Variants in KIFC3 observed in about 807,000 individuals in gnomAD.
The protein encoded by KIFC3 is kinesin-like protein KIFC3.
A neutral mutation model predicts 101.8 loss-of-function variants in KIFC3; 60 were observed. The ratio of observed to expected loss-of-function variants is 0.59; its 90% confidence interval spans 0.48 to 0.73. The LOEUF (loss-of-function observed/expected upper bound fraction) is 0.73. Among genes scored for constraint, KIFC3 ranks in the 30% least tolerant of loss-of-function variants. The probability of loss-of-function intolerance (pLI) is 0.00; values close to 1 mark genes in which losing one functional copy is unlikely to be tolerated. For synonymous variants in KIFC3, 476 were observed against 482.7 expected (o/e 0.99, Z 0.18); for missense variants, 966 against 1,137.1 (o/e 0.85, Z 2.16).
chr16:57,819,934 T>C (rs996402051), intron 1 of KIFC3, among the ~76,000 whole-genome samples: 2 of 152,140 alleles, frequency 1.3e-5, no homozygotes, highest in African/African-American at 2.4e-5. Flanking sequence ...AATGGCACGA[T>C]CTCGGCTCAC....
intron 1 of KIFC3, among the ~76,000 whole-genome samples, chr16:57,848,978 C>T (rs2055993862): frequency 6.6e-6 from 1 of 152,200 alleles, no homozygotes; most frequent in African/African-American, 2.4e-5. Flanking sequence ...TCCACTTAAA[C>T]ACTAATCCTA....
intron 1 of KIFC3, among the ~76,000 whole-genome samples, chr16:57,820,727 A>C (rs561044691): frequency 2.4e-4 from 36 of 152,376 alleles, no homozygotes; most frequent in Admixed American, 1.4e-3. Flanking sequence ...GACAAGAGGC[A>C]AGGACTTTGT....
chr16:57,775,886 C>A, intron 3 of KIFC3: 1 of 985,552 alleles, frequency 1.0e-6, no homozygotes, highest in Non-Finnish European at 1.2e-6. Context: ...GGCCCAGGCT[C>A]CTCATCAGCC....
At chr16:57,827,097 A>G (rs2055474485) in intron 1 of KIFC3, among the ~76,000 whole-genome samples, 1 of 152,222 alleles carries the variant, frequency 6.6e-6, no homozygotes, top group African/African-American at 2.4e-5. Flanking sequence ...TCAGGAAAGG[A>G]GCGTGCAGAA....
rs537050133 is a variant in KIFC3 at position 57,770,540 on chromosome 16, C to T, written c.926G>A (p.Arg309Gln). The T allele has an allele frequency of 1.4e-6, 2 of 1,454,686 alleles. No homozygotes were observed. The highest frequency in any genetic ancestry group is 1.8e-6 in the Non-Finnish European group (2 of 1,103,296). 90.1% of individuals were successfully genotyped at this position (1,454,686 alleles called of 1,614,324 possible). ...QLQSSHQLTARLRAQIAMYES... is the reference protein window; with the variant it reads ...QLQSSHQLTAQLRAQIAMYES... Reference sequence around the variant, plus strand: ...CAGCCTGGGTACCTGCGCCCGGAGCCGCGCGGTCAGCTGGTGTGAGCTCTG... The same window carrying T: ...CAGCCTGGGTACCTGCGCCCGGAGCTGCGCGGTCAGCTGGTGTGAGCTCTG... Residue 309 changes from arginine to glutamine, a missense_variant, in exon 7 of 20, where the codon CGG (arginine) becomes CAG (glutamine). Physicochemically the swap from Arg to Gln is conservative, Grantham distance 43 (BLOSUM62 1). Around this residue, in one of 2 missense-constraint regions of KIFC3, gnomAD observed 689 missense variants for 884.6 expected, o/e 0.78. Transcript: ENST00000445690.
chr16:57,849,745 A>T (rs2056009068), intron 1 of KIFC3, among the ~76,000 whole-genome samples: 1 of 152,126 alleles, frequency 6.6e-6, no homozygotes, highest in South Asian at 2.1e-4. Flanking sequence ...TCTACTAAAA[A>T]TACAAAAATT....
At chr16:57,799,723 T>A (rs1331142667) in intron 1 of KIFC3, among the ~76,000 whole-genome samples, 1 of 152,196 alleles carries the variant, frequency 6.6e-6, no homozygotes, top group Admixed American at 6.5e-5. Context: ...AGCCATGTGA[T>A]AACAGGGCTC....
Position 57,781,809 on chromosome 16 carries a change from A to G in KIFC3, c.316-9521T>C, listed in dbSNP as rs540501062. 136 of 349,114 alleles carry G rather than the reference A, an allele frequency of 3.9e-4. 3 individuals are homozygous for G. In the South Asian group the frequency reaches 0.014, roughly 36 times the overall value. The allele number at this position is 349,114 out of a possible 1,614,324, so 21.6% of individuals were successfully genotyped here. A position where few individuals can be genotyped will look rare whatever the true frequency, so the allele number is the denominator to read the frequency against. On this transcript the variant is annotated intron_variant, in intron 3 of 19. Transcript: ENST00000445690. ...TTACAGGAAGAAAAACTGAGCTCCT[A>G]AGAGGTTAAGCCTTGGTTAGGCAAC...
intron 9 of KIFC3, among the ~76,000 whole-genome samples, chr16:57,768,424 AT>A (rs1222757011): frequency 6.6e-6 from 1 of 151,274 alleles, no homozygotes; most frequent in African/African-American, 2.4e-5. Context: ...TGTACTGTTA[AT>A]TTTTTTCAAC....
intron 1 of KIFC3, among the ~76,000 whole-genome samples, chr16:57,822,489 G>A (rs2055370642): frequency 1.3e-5 from 2 of 152,234 alleles, no homozygotes; most frequent in South Asian, 2.1e-4. Flanking sequence ...CTCACTTGAG[G>A]AGTTTGAGAC....
upstream of KIFC3, chr16:57,802,524 G>C (rs1376728428): frequency 1.0e-6 from 1 of 984,996 alleles, no homozygotes; most frequent in South Asian, 4.7e-5. This position sits in a 1 kb window ranked among gnomAD's most constrained non-coding sequence, Gnocchi z 5.0. Context: ...TGATTAACTC[G>C]GGCCGCGGCG....
chr16:57,789,545 G>C (rs74022050), intron 3 of KIFC3, among the ~76,000 whole-genome samples: 19,223 of 152,240 alleles, frequency 0.13, 1,418 homozygotes, highest in African/African-American at 0.19. Context: ...GAAGATTCGG[G>C]GGGGATGGTG....
intron 1 of KIFC3, among the ~76,000 whole-genome samples, chr16:57,821,960 C>A (rs1040656704): frequency 6.6e-6 from 1 of 152,070 alleles, no homozygotes; most frequent in Admixed American, 6.6e-5. Context: ...CCTGTGGTCC[C>A]AACTCTTCAG....
intron 3 of KIFC3, among the ~76,000 whole-genome samples, chr16:57,780,667 A>ATTTTTTTTTTTTTTTTTTTTTT (rs1191334568): frequency 1.4e-5 from 1 of 69,956 alleles, no homozygotes; most frequent in Admixed American, 2.5e-4. Context: ...CTGAAGACAA[A>ATTTTTTTTTTTTTTTTTTTTTT]TTTTTTTTTT....
chr16:57,794,903 C>T (rs2054166759), intron 3 of KIFC3, 96 bp downstream of exon 3: 1 of 1,231,512 alleles, frequency 8.1e-7, no homozygotes, highest in Non-Finnish European at 1.1e-6. Context: ...CCCGGCTCTC[C>T]CCAGGTGCTT....
chr16:57,809,079 C>T (rs1385659563), intron 1 of KIFC3, among the ~76,000 whole-genome samples: 2 of 152,124 alleles, frequency 1.3e-5, no homozygotes, highest in African/African-American at 2.4e-5. Flanking sequence ...ATCGCTTAAG[C>T]CCAGGAGTTG....
intron 1 of KIFC3, among the ~76,000 whole-genome samples, chr16:57,851,567 ATTC>A (rs2056058882): frequency 7.8e-6 from 1 of 128,364 alleles, no homozygotes; most frequent in Non-Finnish European, 1.7e-5. Flanking sequence ...TCGTTCGTTC[ATTC>A]TTTTTTTTTT....
rs146340162 is a variant in KIFC3 at position 57,831,604 on chromosome 16, C to T, written c.108+31125G>A. ...ACTCAGGAGGCTGAAGCAGGAGGAT[C>T]ACTTGAACCCAGGAGGTCCAGGCTA... On this transcript the variant is annotated intron_variant, in intron 1 of 2. Transcript: ENST00000563028. Among the ~76,000 whole-genome samples, 760 of 152,224 alleles carry T rather than the reference C, an allele frequency of 5.0e-3. 1 individual carries two copies. Among genetic ancestry groups the T allele is most frequent in the African/African-American group, 0.017 (705 of 41,512 alleles).
At position 57,798,726 on chromosome 16, in the gene KIFC3, C is replaced by T. The variant is rs1444778456; in HGVS notation, c.-39-444G>A. On this transcript the variant is annotated intron_variant, in intron 1 of 19. Transcript: ENST00000445690. Reference sequence around the variant, plus strand: ...AGGCTTCAGGCTGCTCTGCCTAAGGCCTGTCAGCAGAGCAGTGAATGCTCT... The same window carrying T: ...AGGCTTCAGGCTGCTCTGCCTAAGGTCTGTCAGCAGAGCAGTGAATGCTCT... 126 of 205,242 alleles carry T rather than the reference C, an allele frequency of 6.1e-4. 1 individual carries two copies. Among genetic ancestry groups the T allele is most frequent in the Non-Finnish European group, 5.9e-5 (6 of 100,922 alleles). 12.7% of individuals were successfully genotyped at this position (205,242 alleles called of 1,614,324 possible). A position where few individuals can be genotyped will look rare whatever the true frequency, so the allele number is the denominator to read the frequency against.
Sources: allele counts gnomAD v4.1 joint callset (sites outside exome capture counted in the v4.1 genomes callset), GRCh38; gene constraint gnomAD v4.1.1; regional missense constraint gnomAD v4.1.1; non-coding constraint Gnocchi (gnomAD v3.1); transcripts MANE v1.5; gene names NCBI Gene and HGNC (gene_info 2026-07-23, HGNC 2026-07-21).